The following FRMD3 variants were observed in gnomAD, a reference collection of about 807,000 sequenced individuals.
The protein encoded by FRMD3 is FERM domain-containing protein 3.
Under a neutral mutation model 70.2 loss-of-function variants are expected in FRMD3, and 33 were observed. That is an observed-to-expected ratio of 0.47 (90% CI 0.36 to 0.63). The LOEUF is 0.63. FRMD3 is among the 20% of genes least tolerant of loss of function. The pLI is 0.00. For synonymous variants in FRMD3, 279 were observed against 255.9 expected, an observed-to-expected ratio of 1.09 and a Z score of -0.86; for missense variants, 632 against 711.4, an observed-to-expected ratio of 0.89 and a Z score of 1.27.
intron 1 of FRMD3, among the ~76,000 whole-genome samples, chr9:83,522,067 T>G (rs1417664301): frequency 6.6e-6 from 1 of 151,948 alleles, no homozygotes; most frequent in African/African-American, 2.4e-5. Flanking sequence ...AGGAAGGGGG[T>G]GTGGGACGTC....
chr9:83,419,839 G>A (rs1163668791), intron 1 of FRMD3, among the ~76,000 whole-genome samples: 5 of 152,142 alleles, frequency 3.3e-5, no homozygotes, highest in Admixed American at 6.6e-5. Context: ...AATTGTTGTT[G>A]TTATTATTGT....
intron 3 of FRMD3, among the ~76,000 whole-genome samples, chr9:83,360,655 C>T (rs1824552976): frequency 6.6e-6 from 1 of 152,170 alleles, no homozygotes. Context: ...ACCCCTGTCA[C>T]ACTACCCCGC....
intron 8 of FRMD3, 128 bp from the exon 9 acceptor site, chr9:83,310,676 G>C (rs575802307): frequency 9.7e-5 from 67 of 689,504 alleles, no homozygotes; most frequent in Middle Eastern, 7.4e-4. Flanking sequence ...TATCATTGGT[G>C]AAGGTCTAAT....
intron 6 of FRMD3, among the ~76,000 whole-genome samples, chr9:83,331,550 T>G (rs1244639115): frequency 6.6e-6 from 1 of 152,086 alleles, no homozygotes; most frequent in Non-Finnish European, 1.5e-5. Flanking sequence ...ACCCATAGAG[T>G]GTACACCAAG....
intron 1 of FRMD3, among the ~76,000 whole-genome samples, chr9:83,419,878 A>C (rs1354973728): frequency 6.6e-6 from 1 of 152,210 alleles, no homozygotes; most frequent in Non-Finnish European, 1.5e-5. Flanking sequence ...GCAAAGATTC[A>C]TCTTTTACAA....
Position 83,500,504 on chromosome 9 carries a change from A to G in FRMD3, c.147+37581T>C, listed in dbSNP as rs10868021. Among the ~76,000 whole-genome samples the G allele has an allele frequency of 7.1e-4, 76 of 107,112 alleles. 1 individual carries two copies. Among genetic ancestry groups the G allele is most frequent in the East Asian group, 4.4e-3 (10 of 2,268 alleles). 70.3% of individuals were successfully genotyped at this position (107,112 alleles called of 152,430 possible). A position where few individuals can be genotyped will look rare whatever the true frequency, so the allele number is the denominator to read the frequency against. ...TAGAGTGCTTGGCGTGTATGCGCGCACACACACACACACACACACACACAC... is the reference window on the plus strand; with the variant it reads ...TAGAGTGCTTGGCGTGTATGCGCGCGCACACACACACACACACACACACAC... On this transcript the variant is annotated intron_variant, in intron 1 of 13. Transcript: ENST00000304195.
At chr9:83,283,544 A>AT (rs1563993388) in intron 13 of FRMD3, among the ~76,000 whole-genome samples, 89 of 15,000 alleles carry the variant, frequency 5.9e-3, no homozygotes, top group Admixed American at 8.8e-3. Flanking sequence ...AAAAAAAAAA[A>AT]AAAATAATAA....
intron 1 of FRMD3, among the ~76,000 whole-genome samples, chr9:83,446,547 T>G (rs541653273): frequency 1.4e-5 from 2 of 147,848 alleles, no homozygotes; most frequent in African/African-American, 5.1e-5. Flanking sequence ...CTCGGGAGGC[T>G]GAGGCAGGAG....
intron 4 of FRMD3, among the ~76,000 whole-genome samples, chr9:83,345,821 C>T (rs1006631479): frequency 3.9e-5 from 6 of 152,176 alleles, no homozygotes; most frequent in Admixed American, 2.0e-4. Flanking sequence ...TGTGGTGCAG[C>T]TCCATCAGCC....
chr9:83,519,789 T>C (rs1050739608), intron 1 of FRMD3, among the ~76,000 whole-genome samples: 1 of 152,240 alleles, frequency 6.6e-6, no homozygotes, highest in Non-Finnish European at 1.5e-5. Flanking sequence ...GTGGCACTTA[T>C]ACACGATGGA....
chr9:83,531,437 A>AT (rs1048254592), intron 1 of FRMD3, among the ~76,000 whole-genome samples: 8 of 152,180 alleles, frequency 5.3e-5, no homozygotes, highest in African/African-American at 1.7e-4. Flanking sequence ...ATAACATTAC[A>AT]TTTTTTTAGG....
At chr9:83,290,581 T>A (rs772100897) in intron 13 of FRMD3, 22 bp downstream of exon 13, 1 of 1,613,818 alleles carries the variant, frequency 6.2e-7, no homozygotes, top group Non-Finnish European at 8.5e-7. Context: ...CACCAGCATT[T>A]GGGATGAAGA....
chr9:83,466,959 T>C (rs1371644870), intron 1 of FRMD3, among the ~76,000 whole-genome samples: 1 of 152,136 alleles, frequency 6.6e-6, no homozygotes, highest in Non-Finnish European at 1.5e-5. Flanking sequence ...AAATATCACA[T>C]TGCACATCGA....
intron 1 of FRMD3, among the ~76,000 whole-genome samples, chr9:83,452,033 A>C (rs892461450): frequency 2.0e-5 from 3 of 152,198 alleles, no homozygotes; most frequent in Non-Finnish European, 4.4e-5. Context: ...ACAAGATGTC[A>C]ACAGAGGGAG....
chr9:83,243,308 C>T, downstream of FRMD3: 2 of 1,298,372 alleles, frequency 1.5e-6, no homozygotes, highest in Non-Finnish European at 2.2e-6. Context: ...AGCACATTGT[C>T]TCCACCCTGT....
At chr9:83,263,558 A>T (rs1833089221) in intron 13 of FRMD3, among the ~76,000 whole-genome samples, 2 of 152,260 alleles carry the variant, frequency 1.3e-5, no homozygotes. Flanking sequence ...ATCACCACAC[A>T]TCAGTATTGG....
At chr9:83,487,607 G>A (rs1828716202) in intron 1 of FRMD3, among the ~76,000 whole-genome samples, 1 of 152,162 alleles carries the variant, frequency 6.6e-6, no homozygotes, top group African/African-American at 2.4e-5. Flanking sequence ...AAAAGTGCCA[G>A]CCCTAGCCAG....
rs1191876222 is a variant in FRMD3, at chr9:83,246,893, T to G, written c.*1025A>C. 1.0e-6 allele frequency: 1 copy of G among 985,340 alleles called. No individual in the cohort carries two copies. Among genetic ancestry groups the G allele is most frequent in the Admixed American group, 6.2e-5 (1 of 16,254 alleles). 61.0% of individuals were successfully genotyped at this position (985,340 alleles called of 1,614,324 possible). Reference sequence around the variant, plus strand: ...ACTTTCATAAAATAGACCATTCGCCTGTCACCATTTGCCTGCCAGCCTCAC... The same window carrying G: ...ACTTTCATAAAATAGACCATTCGCCGGTCACCATTTGCCTGCCAGCCTCAC... On this transcript the variant is annotated 3_prime_UTR_variant, in exon 14 of 14. Coordinates refer to ENST00000304195, the MANE Select transcript of FRMD3 (RefSeq NM_174938.6).
chr9:83,456,502 C>T (rs996435965), intron 1 of FRMD3, among the ~76,000 whole-genome samples: 18 of 152,286 alleles, frequency 1.2e-4, no homozygotes, highest in African/African-American at 4.3e-4. Context: ...ATAGAAGTTA[C>T]ACAATTTAAC....
Sources: gnomAD v4.1 joint callset for allele counts (sites outside exome capture counted in the v4.1 genomes callset) on GRCh38, gnomAD v4.1.1 for gene constraint, MANE v1.5 for transcripts, NCBI Gene and HGNC (gene_info 2026-07-23, HGNC 2026-07-21) for gene names.